PFDN2: variants seen among roughly 807,000 people sequenced by gnomAD.
The protein encoded by PFDN2 is prefoldin subunit 2.
A neutral mutation model predicts 18.3 loss-of-function variants in PFDN2; 7 were observed. The observed-to-expected ratio is 0.38, with a 90% CI of 0.22 to 0.72. The LOEUF (loss-of-function observed/expected upper bound fraction) is 0.72, where lower values mean the gene tolerates loss of function less well. Ranked by LOEUF, PFDN2 falls within the 30% of genes least tolerant of loss-of-function variation. The pLI is 0.47. For synonymous variants in PFDN2, 76 were observed against 75.0 expected (o/e 1.01, Z -0.07); for missense variants, 181 against 199.1 (o/e 0.91, Z 0.55).
At chr1:161,112,246 A>G (rs1654826940) in intron 1 of PFDN2, among the ~76,000 whole-genome samples, 2 of 152,214 alleles carry the variant, frequency 1.3e-5, no homozygotes, top group Admixed American at 6.5e-5. Context: ...ACTTAGGACA[A>G]TATCTATCAT....
intron 1 of PFDN2, among the ~76,000 whole-genome samples, chr1:161,111,868 T>C (rs1480996628): frequency 2.0e-5 from 3 of 152,238 alleles, no homozygotes; most frequent in African/African-American, 4.8e-5. Flanking sequence ...TTGTGATAAT[T>C]TGATATATTC....
intron 1 of PFDN2, among the ~76,000 whole-genome samples, chr1:161,116,461 C>T (rs1026447322): frequency 4.6e-5 from 7 of 151,080 alleles, no homozygotes; most frequent in Non-Finnish European, 8.9e-5. Flanking sequence ...TTGCAGTCAG[C>T]CGAGATCACG....
At position 161,103,683 on chromosome 1, in the gene PFDN2, C is replaced by CAAAAAAAAAAAAA. The variant is rs553472563; in HGVS notation, c.76-1321_76-1309dup. On this transcript the variant is annotated intron_variant, in intron 1 of 3. Transcript: ENST00000368010. The stretch of plus-strand genomic sequence containing the variant: ...CTGGCAACAGAGCAAGACTCCGTCT[C>CAAAAAAAAAAAAA]AAAAAAAAAAAAAAAAAAAAAAAAA... Among the ~76,000 whole-genome samples, 57 of 74,910 alleles carry CAAAAAAAAAAAAA rather than the reference C, an allele frequency of 7.6e-4. 1 individual carries two copies. The highest frequency in any genetic ancestry group is 1.1e-3 in the South Asian group (2 of 1,766). The allele number at this position is 74,910 out of a possible 152,430, so 49.1% of individuals were successfully genotyped here.
In PFDN2 at chr1:161,100,713, C is replaced by A; in HGVS notation, c.435G>T (p.Lys145Asn). 1 of 1,613,918 alleles carries A rather than the reference C, an allele frequency of 6.2e-7. No homozygotes were observed. Among genetic ancestry groups the A allele is most frequent in the Non-Finnish European group, 8.5e-7 (1 of 1,179,910 alleles). The change falls in exon 4 of 4, where the codon AAG (lysine) becomes AAT (asparagine). Residue 145 changes from lysine (K) to asparagine (N), a missense_variant. By Grantham distance (94) the Lys-to-Asn change is moderately conservative. Transcript: ENST00000368010. Reference protein sequence around the residue: ...AKENSEGAGAKASSAGVLVS With the variant: ...AKENSEGAGANASSAGVLVS ...AGACCAACACTCCAGCTGAGCTGGC[C>A]TTAGCCCCAGCCCCTTCTGAGTTTT...
Position 161,101,385 on chromosome 1 carries a change from G to T in PFDN2, c.289-526C>A, listed in dbSNP as rs1331989507. On this transcript the variant is annotated intron_variant, in intron 3 of 3. Coordinates refer to ENST00000368010, the MANE Select transcript of PFDN2 (RefSeq NM_012394.4). ...CAGCCAATTTTTCGTATTCTTAGTA[G>T]AGATGGGGTTTCACCATGCTAGCCA... is the stretch of plus-strand genomic sequence containing the variant. Among the ~76,000 whole-genome samples the T allele has an allele frequency of 2.0e-5, 3 of 151,764 alleles. No individual in the cohort carries two copies. In the East Asian group the frequency reaches 5.8e-4, roughly 30 times the overall value.
At chr1:161,106,038 G>A (rs182755137) in intron 1 of PFDN2, among the ~76,000 whole-genome samples, 2 of 152,206 alleles carry the variant, frequency 1.3e-5, no homozygotes, top group Non-Finnish European at 1.5e-5. Flanking sequence ...TGGATCATGG[G>A]GGTAGATCTC....
intron 1 of PFDN2, among the ~76,000 whole-genome samples, chr1:161,110,041 A>G (rs1397285927): frequency 6.6e-6 from 1 of 151,848 alleles, no homozygotes; most frequent in Non-Finnish European, 1.5e-5. Flanking sequence ...GTGACAGAGC[A>G]AGACTGTGTC....
chr1:161,100,600 T>C lies in PFDN2; in HGVS notation c.*83A>G, dbSNP rs957426389. The C allele has an allele frequency of 1.0e-6, 1 of 1,004,820 alleles. No homozygotes were observed. The highest frequency in any genetic ancestry group is 1.4e-6 in the Non-Finnish European group (1 of 702,886). 62.2% of individuals were successfully genotyped at this position (1,004,820 alleles called of 1,614,324 possible). A position where few individuals can be genotyped will look rare whatever the true frequency, so the allele number is the denominator to read the frequency against. On this transcript the variant is annotated 3_prime_UTR_variant, in exon 4 of 4. Coordinates refer to ENST00000368010, the MANE Select transcript of PFDN2 (RefSeq NM_012394.4). ...TTTAATTAACAAAAAAATATTACAA[T>C]AGCAGAGAAAATAATAATAATAACA...
At chr1:161,103,760 A>G (rs1391149362) in intron 1 of PFDN2, among the ~76,000 whole-genome samples, 1 of 151,192 alleles carries the variant, frequency 6.6e-6, no homozygotes, top group Non-Finnish European at 1.5e-5. Flanking sequence ...ACCCTAACTG[A>G]TACAGAATTG....
intron 1 of PFDN2, among the ~76,000 whole-genome samples, chr1:161,106,140 AC>A (rs1311744656): frequency 6.6e-6 from 1 of 151,718 alleles, no homozygotes; most frequent in Non-Finnish European, 1.5e-5. Flanking sequence ...TATGACACCT[AC>A]CCCTCTTTAT....
chr1:161,113,048 G>T (rs1654840201), intron 1 of PFDN2, among the ~76,000 whole-genome samples: 1 of 152,100 alleles, frequency 6.6e-6, no homozygotes, highest in Non-Finnish European at 1.5e-5. Flanking sequence ...TTATTTCCTG[G>T]TTTGAACTTT....
chr1:161,113,458 C>G lies in PFDN2; in HGVS notation c.75+4494G>C, dbSNP rs1478182441. Among the ~76,000 whole-genome samples the G allele has an allele frequency of 3.3e-5, 5 of 152,346 alleles. No homozygotes were observed. The East Asian group carries it at 9.6e-4, about 29-fold the overall frequency. On this transcript the variant is annotated intron_variant, in intron 1 of 3. Coordinates refer to ENST00000368010, the MANE Select transcript of PFDN2 (RefSeq NM_012394.4). The stretch of plus-strand genomic sequence containing the variant: ...CACCTATAAATGGAGGACAACACAA[C>G]CTACTTCAAATGGCAGTAATTGAAT...
chr1:161,115,998 G>A lies in PFDN2; in HGVS notation c.75+1954C>T, dbSNP rs376721275. Among the ~76,000 whole-genome samples, 13 of 152,156 alleles carry A rather than the reference G, an allele frequency of 8.5e-5. No homozygotes were observed. In the East Asian group the frequency reaches 9.6e-4, roughly 11 times the overall value. Reference sequence around the variant, plus strand: ...AACACTTTGGGAGACCAAGGCAGGTGGATCACCTGAGGCCAGGAGTTCAAG... The same window carrying A: ...AACACTTTGGGAGACCAAGGCAGGTAGATCACCTGAGGCCAGGAGTTCAAG... On this transcript the variant is annotated intron_variant, in intron 1 of 3. Transcript: ENST00000368010.
chr1:161,107,594 T>A (rs1225731911), intron 1 of PFDN2, among the ~76,000 whole-genome samples: 1 of 151,420 alleles, frequency 6.6e-6, no homozygotes, highest in Non-Finnish European at 1.5e-5. Flanking sequence ...GCGGGCAGAT[T>A]ACTTGAGGTC....
intron 1 of PFDN2, among the ~76,000 whole-genome samples, chr1:161,104,170 A>T (rs1278602682): frequency 6.6e-6 from 1 of 152,222 alleles, no homozygotes; most frequent in Middle Eastern, 3.2e-3. Context: ...CTACTGCATA[A>T]GGTTGTTGTA....
chr1:161,103,550 A>G (rs538960423), intron 1 of PFDN2, among the ~76,000 whole-genome samples: 2 of 151,888 alleles, frequency 1.3e-5, no homozygotes, highest in South Asian at 2.1e-4. Context: ...TTAGCCGGGC[A>G]TGGTGGCATG....
intron 1 of PFDN2, among the ~76,000 whole-genome samples, chr1:161,116,814 AT>A (rs1372795113): frequency 6.6e-6 from 1 of 151,832 alleles, no homozygotes; most frequent in Non-Finnish European, 1.5e-5. Flanking sequence ...GTGAGCCGAC[AT>A]CCCGCAACTG....
chr1:161,114,320 G>A (rs910929655), intron 1 of PFDN2, among the ~76,000 whole-genome samples: 1 of 152,198 alleles, frequency 6.6e-6, no homozygotes, highest in Non-Finnish European at 1.5e-5. Context: ...ACCAAAGACA[G>A]AAACCTGAGA....
chr1:161,103,682 T>TA (rs1654621502), intron 1 of PFDN2, among the ~76,000 whole-genome samples: 2 of 33,280 alleles, frequency 6.0e-5, no homozygotes, highest in South Asian at 1.3e-3. Flanking sequence ...AGACTCCGTC[T>TA]CAAAAAAAAA....
Sources: gnomAD v4.1 joint callset for allele counts (sites outside exome capture counted in the v4.1 genomes callset) on GRCh38, gnomAD v4.1.1 for gene constraint, MANE v1.5 for transcripts, NCBI Gene and HGNC (gene_info 2026-07-23, HGNC 2026-07-21) for gene names.